CIDEA: variants seen among roughly 807,000 people sequenced by gnomAD.
CIDEA encodes lipid transferase CIDEA.
In CIDEA, 10 loss-of-function variants were observed where a neutral mutation model predicts 18.2. The ratio of observed to expected loss-of-function variants is 0.55; its 90% CI spans 0.34 to 0.93. CIDEA has a LOEUF of 0.93. Among genes scored for constraint, CIDEA ranks in the 40% least tolerant of loss-of-function variants. CIDEA has a pLI of 0.02. For missense variants in CIDEA, 309 were observed against 293.1 expected (o/e 1.05, Z -0.40); for synonymous variants, 128 against 124.8 (o/e 1.03, Z -0.17).
At chr18:12,265,009 C>T (rs1912311295) in intron 3 of CIDEA, among the ~76,000 whole-genome samples, 1 of 152,204 alleles carries the variant, frequency 6.6e-6, no homozygotes, top group Non-Finnish European at 1.5e-5. Context: ...CAGGCTTTGG[C>T]CAGTGAGTAG....
At chr18:12,255,046 G>A (rs1568099162) in intron 1 of CIDEA, 1 of 784,234 alleles carries the variant, frequency 1.3e-6, no homozygotes, top group Non-Finnish European at 1.8e-6. Context: ...AGGGGCGGGT[G>A]GACCCTGAGG....
chr18:12,274,248 G>T lies in CIDEA; in HGVS notation c.486G>T (p.Arg162=), dbSNP rs150172140. ...TGTACTCCGTGTCCTACGACATCCG[G>T]TGCACGGGACTCAAGGGCCTGCTGA... ...YEMYSVSYDI[R]CTGLKGLLRS... Residue 162 remains arginine (R), a synonymous_variant, in exon 4 of 5, where the codon CGG becomes CGT. Coordinates refer to ENST00000320477, the MANE Select transcript of CIDEA (RefSeq NM_001279.4). The T allele has an allele frequency of 6.2e-7, 1 of 1,614,186 alleles. No individual in the cohort carries two copies. Among genetic ancestry groups the T allele is most frequent in the South Asian group, 1.1e-5 (1 of 91,090 alleles).
chr18:12,267,400 G>A (rs1235827605), intron 3 of CIDEA, among the ~76,000 whole-genome samples: 1 of 152,244 alleles, frequency 6.6e-6, no homozygotes, highest in Non-Finnish European at 1.5e-5. Context: ...CTGTGAAAAT[G>A]TGTGAAGTTC....
At chr18:12,272,269 G>GT (rs1912571643) in intron 3 of CIDEA, among the ~76,000 whole-genome samples, 1 of 151,942 alleles carries the variant, frequency 6.6e-6, no homozygotes, top group Non-Finnish European at 1.5e-5. Context: ...CTGGAGTGCA[G>GT]TGGCGCGATC....
chr18:12,265,854 A>G (rs1326379993), intron 3 of CIDEA, among the ~76,000 whole-genome samples: 1 of 152,222 alleles, frequency 6.6e-6, no homozygotes, highest in African/African-American at 2.4e-5. Context: ...AGAAGCAATC[A>G]AGTCAGGCCT....
At chr18:12,266,885 C>T (rs755464211) in intron 3 of CIDEA, among the ~76,000 whole-genome samples, 5 of 151,916 alleles carry the variant, frequency 3.3e-5, no homozygotes, top group African/African-American at 1.2e-4. Context: ...CTCAGCCTCC[C>T]GAGTAGCTGG....
chr18:12,266,901 C>G (rs181280537), intron 3 of CIDEA, among the ~76,000 whole-genome samples: 1 of 152,004 alleles, frequency 6.6e-6, no homozygotes, highest in Admixed American at 6.6e-5. Context: ...GCTGGGACTA[C>G]AGGCACGTGC....
intron 1 of CIDEA, 135 bp downstream of exon 1, chr18:12,254,556 C>G (rs1442436954): frequency 1.2e-6 from 1 of 869,568 alleles, no homozygotes. Flanking sequence ...CTCTTGCGCT[C>G]CGCGACCCCG....
chr18:12,265,664 C>G (rs895920684), intron 3 of CIDEA, among the ~76,000 whole-genome samples: 6 of 152,214 alleles, frequency 3.9e-5, no homozygotes, highest in Non-Finnish European at 8.8e-5. Flanking sequence ...TCTCTTTACT[C>G]CAGCCCCGTT....
chr18:12,264,103 TC>T (rs1217684774), intron 2 of CIDEA, among the ~76,000 whole-genome samples: 1 of 152,030 alleles, frequency 6.6e-6, no homozygotes, highest in Admixed American at 6.6e-5. Flanking sequence ...GCATAGTGGG[TC>T]CCCATCTTAA....
intron 1 of CIDEA, among the ~76,000 whole-genome samples, chr18:12,258,935 C>G (rs111932895): frequency 7.9e-5 from 12 of 152,224 alleles, no homozygotes; most frequent in African/African-American, 2.4e-4. Context: ...TAACACAGCC[C>G]GTCCTCACCG....
At chr18:12,269,428 G>A (rs763291689) in intron 3 of CIDEA, among the ~76,000 whole-genome samples, 3 of 152,194 alleles carry the variant, frequency 2.0e-5, no homozygotes, top group Non-Finnish European at 4.4e-5. Context: ...AGAATAGTGA[G>A]TTGAGGTGTT....
rs1412258729 is a variant in CIDEA, at chr18:12,262,904, T to C, written c.118T>C (p.Ser40Pro). Residue 40 changes from serine to proline, a missense_variant, in exon 2 of 5, where the codon TCC becomes CCC. Coordinates refer to ENST00000320477, the MANE Select transcript of CIDEA (RefSeq NM_001279.4). ...LMHPARPFRVSNHDRSSRRGV... is the reference protein window; with the variant it reads ...LMHPARPFRVPNHDRSSRRGV... ...GCATCCAGCTCGCCCTTTCCGGGTCTCCAACCATGACAGGAGCAGCCGGCG... is the reference window on the plus strand; with the variant it reads ...GCATCCAGCTCGCCCTTTCCGGGTCCCCAACCATGACAGGAGCAGCCGGCG... The C allele has an allele frequency of 1.2e-6, 2 of 1,614,210 alleles. No homozygotes were observed. Among genetic ancestry groups the C allele is most frequent in the South Asian group, 1.1e-5 (1 of 91,080 alleles).
intron 1 of CIDEA, chr18:12,254,792 A>G: frequency 7.4e-7 from 1 of 1,351,484 alleles, no homozygotes; most frequent in Non-Finnish European, 9.8e-7. Flanking sequence ...GTCCGGTCCC[A>G]GGAACCCCGA....
chr18:12,256,167 A>C (rs1912027979), intron 1 of CIDEA, among the ~76,000 whole-genome samples: 1 of 152,230 alleles, frequency 6.6e-6, no homozygotes, highest in Non-Finnish European at 1.5e-5. Context: ...TGTTGAAGGG[A>C]AAACACCTTT....
intron 3 of CIDEA, among the ~76,000 whole-genome samples, chr18:12,265,677 C>T (rs1189614644): frequency 1.3e-5 from 2 of 152,188 alleles, no homozygotes; most frequent in African/African-American, 2.4e-5. Flanking sequence ...GCCCCGTTTC[C>T]AGGATTGATA....
intron 3 of CIDEA, among the ~76,000 whole-genome samples, 161 bp from the exon 4 acceptor site, chr18:12,273,932 A>G (rs1272670474): frequency 6.6e-6 from 1 of 152,174 alleles, no homozygotes; most frequent in South Asian, 2.1e-4. Flanking sequence ...AGTGTGTGCA[A>G]ATGGGTCCTG....
chr18:12,275,804 T>G (rs1030424071), intron 4 of CIDEA, among the ~76,000 whole-genome samples: 1 of 151,910 alleles, frequency 6.6e-6, no homozygotes, highest in Admixed American at 6.6e-5. Flanking sequence ...GTCATAGTGT[T>G]GGAGTCTTGA....
At chr18:12,277,059 T>C in intron 4 of CIDEA, 64 bp from the exon 5 acceptor site, 1 of 1,584,684 alleles carries the variant, frequency 6.3e-7, no homozygotes, top group Non-Finnish European at 8.6e-7. Context: ...AGTATTCCCA[T>C]CCTGTCTGTT....
Sources: allele counts gnomAD v4.1 joint callset (sites outside exome capture counted in the v4.1 genomes callset), GRCh38; gene constraint gnomAD v4.1.1; transcripts MANE v1.5; gene names NCBI Gene and HGNC (gene_info 2026-07-23, HGNC 2026-07-21).